CCNYL1: variants seen among roughly 807,000 people sequenced by gnomAD.
The protein encoded by CCNYL1 is cyclin-Y-like protein 1.
A neutral mutation model predicts 44.2 loss-of-function variants in CCNYL1; 16 were observed. The observed-to-expected ratio is 0.36, with a 90% CI of 0.25 to 0.55. The LOEUF is 0.55. Among genes scored for constraint, CCNYL1 ranks in the 20% least tolerant of loss-of-function variants. The probability of loss-of-function intolerance (pLI) is 0.85; values close to 1 mark genes in which losing one functional copy is unlikely to be tolerated. For synonymous variants in CCNYL1, 159 were observed against 163.2 expected (o/e 0.97, Z 0.20); for missense variants, 348 against 451.8 (o/e 0.77, Z 2.08).
intron 1 of CCNYL1, among the ~76,000 whole-genome samples, chr2:207,713,681 A>G (rs1197215717): frequency 6.6e-6 from 1 of 152,214 alleles, no homozygotes; most frequent in Admixed American, 6.5e-5. Context: ...GAACTCTTAT[A>G]TTTAAACTTT....
intron 1 of CCNYL1, among the ~76,000 whole-genome samples, chr2:207,716,338 T>G (rs1480437390): frequency 8.0e-6 from 1 of 125,580 alleles, no homozygotes; most frequent in Non-Finnish European, 1.8e-5. Flanking sequence ...TTAAGCCCTC[T>G]CTTTTTTTTT....
chr2:207,729,274 C>CG (rs1262192200), intron 3 of CCNYL1, among the ~76,000 whole-genome samples: 1 of 110,628 alleles, frequency 9.0e-6, no homozygotes, highest in Admixed American at 8.4e-5. Context: ...CCACCCCACC[C>CG]CCCCCACCCC....
chr2:207,743,595 AAAG>A (rs1390496914), intron 7 of CCNYL1, among the ~76,000 whole-genome samples: 2 of 152,132 alleles, frequency 1.3e-5, no homozygotes, highest in Non-Finnish European at 2.9e-5. Flanking sequence ...TAAAAAAAGA[AAAG>A]AAAGTGGATA....
intron 4 of CCNYL1, among the ~76,000 whole-genome samples, chr2:207,736,642 T>C (rs941414545): frequency 6.6e-6 from 1 of 152,212 alleles, no homozygotes; most frequent in African/African-American, 2.4e-5. Context: ...TTATTTGGTA[T>C]AAAACACTTT....
chr2:207,740,973 A>T (rs1213463953), intron 6 of CCNYL1, among the ~76,000 whole-genome samples: 3 of 152,114 alleles, frequency 2.0e-5, no homozygotes, highest in African/African-American at 7.2e-5. Flanking sequence ...ATATTTTTTC[A>T]GGCCGGGCAC....
In CCNYL1 at chr2:207,712,049, C is replaced by G. The variant is rs956486444; in HGVS notation, c.153C>G (p.Ala51=). Reference sequence around the variant, plus strand: ...TAGCGCCCGCTGTGGTGGAGCCTGCCGAGTTGGATTTCGGAGAGGGCGAGG... The same window carrying G: ...TAGCGCCCGCTGTGGTGGAGCCTGCGGAGTTGGATTTCGGAGAGGGCGAGG... ...VAVAPAVVEP[A]ELDFGEGEGH... Residue 51 remains alanine, a synonymous_variant, in exon 1 of 10, where the codon GCC becomes GCG. Transcript: ENST00000295414. 7 of 1,550,184 alleles carry G rather than the reference C, an allele frequency of 4.5e-6. No individual in the cohort carries two copies. The highest frequency in any genetic ancestry group is 4.3e-6 in the Non-Finnish European group (5 of 1,149,902).
intron 7 of CCNYL1, among the ~76,000 whole-genome samples, chr2:207,745,124 G>A (rs758260998): frequency 3.3e-5 from 5 of 152,144 alleles, no homozygotes; most frequent in Non-Finnish European, 7.3e-5. Context: ...GGAGAGATGG[G>A]AGATGAGAAG....
chr2:207,717,667 G>A (rs2091607304), intron 1 of CCNYL1, among the ~76,000 whole-genome samples: 1 of 152,164 alleles, frequency 6.6e-6, no homozygotes, highest in Non-Finnish European at 1.5e-5. Context: ...AGCCTTGTGA[G>A]GATGGTTGGT....
intron 1 of CCNYL1, among the ~76,000 whole-genome samples, chr2:207,713,352 A>G (rs1441243290): frequency 6.6e-6 from 1 of 152,182 alleles, no homozygotes; most frequent in East Asian, 1.9e-4. Context: ...GCTCAAGAGT[A>G]TTTGTTTCCG....
At chr2:207,743,801 T>C (rs2091830686) in intron 7 of CCNYL1, among the ~76,000 whole-genome samples, 1 of 150,170 alleles carries the variant, frequency 6.7e-6, no homozygotes, top group South Asian at 2.1e-4. Flanking sequence ...GTGCCACTAT[T>C]CTTGTTTTTT....
chr2:207,744,250 T>TGTGTGTG (rs1420015378), intron 7 of CCNYL1, among the ~76,000 whole-genome samples: 2 of 134,926 alleles, frequency 1.5e-5, no homozygotes, highest in African/African-American at 6.2e-5. Flanking sequence ...GTGTGTGTGT[T>TGTGTGTG]CAAGGAACAA....
At chr2:207,749,781 T>TTA (rs2091878659) in intron 8 of CCNYL1, among the ~76,000 whole-genome samples, 1 of 152,216 alleles carries the variant, frequency 6.6e-6, no homozygotes, top group African/African-American at 2.4e-5. Flanking sequence ...CAGTTGGGTT[T>TTA]TTAAGCTCAG....
At chr2:207,721,516 A>G (rs1369178034) in intron 1 of CCNYL1, among the ~76,000 whole-genome samples, 2 of 152,224 alleles carry the variant, frequency 1.3e-5, no homozygotes, top group African/African-American at 4.8e-5. Context: ...TGGATCTTAC[A>G]GATTTCTTCC....
intron 8 of CCNYL1, among the ~76,000 whole-genome samples, chr2:207,749,024 C>CAGAG (rs1334944481): frequency 1.3e-5 from 2 of 152,180 alleles, no homozygotes; most frequent in Non-Finnish European, 2.9e-5. Flanking sequence ...AAAATGTTCT[C>CAGAG]AAAACCTGCA....
intron 8 of CCNYL1, among the ~76,000 whole-genome samples, chr2:207,749,961 A>C (rs912518372): frequency 6.6e-6 from 1 of 152,370 alleles, no homozygotes; most frequent in Non-Finnish European, 1.5e-5. Context: ...TATAGGGATT[A>C]CTGTGAAAGT....
At chr2:207,720,717 G>C (rs1436437588) in intron 1 of CCNYL1, among the ~76,000 whole-genome samples, 1 of 152,056 alleles carries the variant, frequency 6.6e-6, no homozygotes, top group African/African-American at 2.4e-5. Context: ...ACTCCACCCA[G>C]AAATACTCTT....
In CCNYL1 at chr2:207,753,610, A is replaced by G. The variant is rs2091910678; in HGVS notation, c.992A>G (p.Asp331Gly). The stretch of plus-strand genomic sequence containing the variant: ...TAGGCTATTTCTAGATTGTGTGAAG[A>G]CAAAGACTTGTGTAGAGCCGCTATG... ...NLEAISRLCE[D>G]KDLCRAAMRR... Residue 331 changes from aspartate to glycine, a missense_variant, in exon 10 of 10, where the codon GAC becomes GGC. Physicochemically the swap from Asp to Gly is moderately conservative, Grantham distance 94 (BLOSUM62 -1). This residue lies in a region of CCNYL1 where 94 missense variants were observed against 102.4 expected (regional missense o/e 0.92). Transcript: ENST00000295414. 1 of 1,612,946 alleles carries G rather than the reference A, an allele frequency of 6.2e-7. No homozygotes were observed. Among genetic ancestry groups the G allele is most frequent in the Non-Finnish European group, 8.5e-7 (1 of 1,179,052 alleles).
intron 7 of CCNYL1, 24 bp downstream of exon 7, chr2:207,742,366 G>T: frequency 6.2e-7 from 1 of 1,601,530 alleles, no homozygotes; most frequent in Non-Finnish European, 8.5e-7. Context: ...CATTTATAAA[G>T]TGTCTTTAGA....
intron 3 of CCNYL1, among the ~76,000 whole-genome samples, chr2:207,731,104 A>T (rs1054536852): frequency 8.5e-5 from 13 of 152,206 alleles, no homozygotes; most frequent in African/African-American, 3.1e-4. Context: ...TTACTGTGCA[A>T]CATAGATGGA....
Sources: gnomAD v4.1 joint callset for allele counts (sites outside exome capture counted in the v4.1 genomes callset) on GRCh38, gnomAD v4.1.1 for gene constraint, gnomAD v4.1.1 regional missense constraint, MANE v1.5 for transcripts, NCBI Gene and HGNC (gene_info 2026-07-23, HGNC 2026-07-21) for gene names.